LANCL1: variants seen among roughly 807,000 people sequenced by gnomAD.
LANCL1 encodes glutathione S-transferase LANCL1.
Under a neutral mutation model 50.6 loss-of-function variants are expected in LANCL1, and 50 were observed. The ratio of observed to expected loss-of-function variants is 0.99; its 90% CI spans 0.79 to 1.25. The LOEUF is 1.25. LANCL1 is among the 50% of genes most tolerant of loss of function. The pLI, the probability that LANCL1 is intolerant of heterozygous loss-of-function variation, is 0.00. For missense variants in LANCL1, 532 were observed against 480.7 expected (o/e 1.11, Z -1.00); for synonymous variants, 188 against 178.6 (o/e 1.05, Z -0.42).
intron 3 of LANCL1, among the ~76,000 whole-genome samples, chr2:210,462,770 A>G (rs1265012479): frequency 1.3e-5 from 2 of 152,198 alleles, no homozygotes; most frequent in Non-Finnish European, 1.5e-5. Flanking sequence ...TAACTTTTTA[A>G]ATAGTAATTA....
chr2:210,449,544 G>A (rs926205015), intron 4 of LANCL1, among the ~76,000 whole-genome samples: 2 of 152,160 alleles, frequency 1.3e-5, no homozygotes, highest in Non-Finnish European at 2.9e-5. Flanking sequence ...ACTCAGATAG[G>A]AACAGAGGAA....
At chr2:210,473,102 A>C (rs1694268680) in intron 2 of LANCL1, among the ~76,000 whole-genome samples, 1 of 152,200 alleles carries the variant, frequency 6.6e-6, no homozygotes, top group Non-Finnish European at 1.5e-5. Flanking sequence ...AAGGCCGGGC[A>C]CAGTGGCTAA....
At chr2:210,464,127 A>G (rs1405980028) in intron 3 of LANCL1, among the ~76,000 whole-genome samples, 1 of 152,218 alleles carries the variant, frequency 6.6e-6, no homozygotes, top group Admixed American at 6.5e-5. Context: ...CACCCTTACC[A>G]ACAAAGCATT....
In LANCL1 at chr2:210,432,084, C is replaced by G. The variant is rs558891865; in HGVS notation, c.*2403G>C. 5.3e-5 allele frequency: 8 copies of G among 152,220 alleles called. No homozygotes were observed. Among genetic ancestry groups the G allele is most frequent in the African/African-American group, 7.2e-5 (3 of 41,546 alleles). The allele number at this position is 152,220 out of a possible 1,614,324, so 9.4% of individuals were successfully genotyped here. A position where few individuals can be genotyped will look rare whatever the true frequency, so the allele number is the denominator to read the frequency against. On this transcript the variant is annotated 3_prime_UTR_variant, in exon 10 of 10. Transcript: ENST00000450366. ...AAAATATCTGAGAGAAAAATACAAA[C>G]TAGAACTGAAACAATGATGCCACTT...
upstream of LANCL1, among the ~76,000 whole-genome samples, chr2:210,477,072 C>A (rs1017494350): frequency 6.6e-6 from 1 of 150,396 alleles, no homozygotes; most frequent in Non-Finnish European, 1.5e-5. Flanking sequence ...TTCTGCTGTT[C>A]GCAATAGATA....
chr2:210,476,063 T>C (rs552524723), intron 2 of LANCL1, among the ~76,000 whole-genome samples: 6 of 152,200 alleles, frequency 3.9e-5, no homozygotes, highest in African/African-American at 1.4e-4. Context: ...AACTACATAT[T>C]TGCCAATTTT....
chr2:210,444,388 A>C (rs1018774759), intron 4 of LANCL1, among the ~76,000 whole-genome samples: 2 of 152,194 alleles, frequency 1.3e-5, no homozygotes, highest in Admixed American at 6.5e-5. Flanking sequence ...AAAACATTTA[A>C]AATGAAGAGG....
intron 3 of LANCL1, among the ~76,000 whole-genome samples, chr2:210,469,409 G>C (rs1307957229): frequency 6.6e-6 from 1 of 152,142 alleles, no homozygotes; most frequent in Non-Finnish European, 1.5e-5. Flanking sequence ...AAACACTGGA[G>C]GAGGCAGTCT....
intron 4 of LANCL1, among the ~76,000 whole-genome samples, chr2:210,447,935 TAGAC>T (rs1220923351): frequency 1.3e-5 from 2 of 152,090 alleles, no homozygotes; most frequent in African/African-American, 4.8e-5. Flanking sequence ...CTGTCAATAT[TAGAC>T]AGATCAACAA....
intron 8 of LANCL1, 97 bp downstream of exon 8, chr2:210,436,119 G>T: frequency 1.9e-6 from 2 of 1,049,212 alleles, no homozygotes; most frequent in East Asian, 2.5e-5. Flanking sequence ...TCGAACTCCT[G>T]ACCTCAGGTG....
chr2:210,454,675 A>G (rs766190428), intron 4 of LANCL1, among the ~76,000 whole-genome samples: 4 of 152,194 alleles, frequency 2.6e-5, no homozygotes, highest in Non-Finnish European at 4.4e-5. Flanking sequence ...GTGGACCACC[A>G]TAATTTATAC....
intron 4 of LANCL1, 72 bp downstream of exon 4, chr2:210,455,035 T>A: frequency 7.9e-7 from 1 of 1,270,982 alleles, no homozygotes; most frequent in Non-Finnish European, 1.1e-6. Flanking sequence ...ACTAGAATGT[T>A]CTTTTGTTAA....
chr2:210,441,568 T>C, intron 4 of LANCL1, 125 bp from the exon 5 acceptor site: 1 of 720,218 alleles, frequency 1.4e-6, no homozygotes, highest in Non-Finnish European at 2.2e-6. Context: ...ATATAATATC[T>C]ATTTATAGAA....
chr2:210,448,377 T>C (rs966370426), intron 4 of LANCL1, among the ~76,000 whole-genome samples: 3 of 152,150 alleles, frequency 2.0e-5, no homozygotes, highest in African/African-American at 7.2e-5. Flanking sequence ...TTTATAGCAC[T>C]AAATGCCCAC....
intron 3 of LANCL1, among the ~76,000 whole-genome samples, chr2:210,455,839 G>A (rs1346615554): frequency 6.8e-6 from 1 of 146,028 alleles, no homozygotes; most frequent in Non-Finnish European, 1.5e-5. Context: ...TGAAAAGGTA[G>A]TTAATGTAAC....
chr2:210,462,053 C>T (rs1481683209), intron 3 of LANCL1, among the ~76,000 whole-genome samples: 1 of 152,142 alleles, frequency 6.6e-6, no homozygotes, highest in Non-Finnish European at 1.5e-5. Flanking sequence ...AGAATGTTCT[C>T]CCCACTAGCA....
intron 3 of LANCL1, among the ~76,000 whole-genome samples, chr2:210,456,919 A>C (rs1368956208): frequency 1.3e-5 from 2 of 152,226 alleles, no homozygotes. Flanking sequence ...TAAGGCTTGC[A>C]ATTGTAAGAT....
At chr2:210,476,556 C>T in intron 1 of LANCL1, 64 bp downstream of exon 1, 1 of 1,395,024 alleles carries the variant, frequency 7.2e-7, no homozygotes, top group Non-Finnish European at 9.3e-7. Flanking sequence ...ACCTCGGGCC[C>T]ACTGCGGCCC....
chr2:210,434,683 A>C, intron 9 of LANCL1, 120 bp from the exon 10 acceptor site: 4 of 762,142 alleles, frequency 5.2e-6, no homozygotes. Context: ...CTATTCAAAC[A>C]CACAAACATC....
Sources: allele counts gnomAD v4.1 joint callset (sites outside exome capture counted in the v4.1 genomes callset), GRCh38; gene constraint gnomAD v4.1.1; transcripts MANE v1.5; gene names NCBI Gene and HGNC (gene_info 2026-07-23, HGNC 2026-07-21).